The following BAZ2B variants were observed in gnomAD, a reference collection of about 807,000 sequenced individuals.
BAZ2B encodes bromodomain adjacent to zinc finger domain protein 2B.
BAZ2B carries 91 observed loss-of-function variants against 246.0 expected under a neutral mutation model. The ratio of observed to expected loss-of-function variants is 0.37; its 90% CI spans 0.31 to 0.44. The LOEUF (loss-of-function observed/expected upper bound fraction) is 0.44, where lower values mean the gene tolerates loss of function less well. BAZ2B is among the 20% of genes least tolerant of loss of function. BAZ2B has a pLI of 1.00. For missense variants in BAZ2B, 2,332 were observed against 2,533.7 expected (o/e 0.92, Z 1.71); for synonymous variants, 855 against 860.0 (o/e 0.99, Z 0.10).
At chr2:159,645,606 C>T in the BAZ2B span, among the ~76,000 whole-genome samples, 1 of 152,082 alleles carries the variant, frequency 6.6e-6, no homozygotes, top group East Asian at 1.9e-4. Flanking sequence ...CTGCTGCTTA[C>T]CTCCTGCTTG....
chr2:159,392,233 C>T (rs2063423615), intron 20 of BAZ2B: 2 of 152,296 alleles, frequency 1.3e-5, no homozygotes, highest in East Asian at 1.9e-4. Context: ...GGCTAATACC[C>T]TCTTTGTACC....
intron 14 of BAZ2B, among the ~76,000 whole-genome samples, 179 bp from the exon 15 acceptor site, chr2:159,405,293 T>C (rs201695318): frequency 6.6e-6 from 1 of 151,994 alleles, no homozygotes; most frequent in African/African-American, 2.4e-5. Flanking sequence ...CTCACTGCAA[T>C]CTCCGCCTCC....
chr2:159,430,824 G>A (rs1227763591), intron 10 of BAZ2B, 39 bp downstream of exon 10: 6 of 1,575,550 alleles, frequency 3.8e-6, no homozygotes, highest in Non-Finnish European at 4.3e-6. Context: ...GCTATGGTTT[G>A]ACTTCTACTT....
chr2:159,575,287 A>G (rs1345099484), intron 1 of BAZ2B, among the ~76,000 whole-genome samples: 3 of 152,122 alleles, frequency 2.0e-5, no homozygotes, highest in Non-Finnish European at 4.4e-5. Flanking sequence ...TGGGCGACAG[A>G]GCAACACTCT....
intron 1 of BAZ2B, among the ~76,000 whole-genome samples, chr2:159,574,713 C>T (rs540647071): frequency 3.3e-5 from 5 of 152,114 alleles, no homozygotes; most frequent in South Asian, 2.1e-4. Flanking sequence ...AGGCTGGGCG[C>T]GGTGGCTCAC....
chr2:159,553,643 A>T (rs563006242), intron 2 of BAZ2B, among the ~76,000 whole-genome samples: 3 of 152,132 alleles, frequency 2.0e-5, no homozygotes, highest in African/African-American at 7.2e-5. Context: ...ATCAGTTAAA[A>T]GGTTTTGACA....
intron 36 of BAZ2B, 22 bp downstream of exon 36, chr2:159,324,789 T>C: frequency 4.2e-6 from 6 of 1,438,604 alleles, no homozygotes; most frequent in Non-Finnish European, 5.5e-6. Context: ...AAATATTTAG[T>C]GAACTGAAAT....
Position 159,430,910 on chromosome 2 carries a change from G to C in BAZ2B, c.2147C>G (p.Ala716Gly). 3 of 1,613,924 alleles carry C rather than the reference G, an allele frequency of 1.9e-6. No homozygotes were observed. The highest frequency in any genetic ancestry group is 1.6e-4 in the Middle Eastern group (1 of 6,062). The change falls in exon 10 of 37, where the codon GCT (alanine) becomes GGT (glycine). Residue 716 changes from alanine to glycine, a missense_variant. Around this residue, in one of 9 missense-constraint regions of BAZ2B, gnomAD observed 651 missense variants for 650.9 expected, o/e 1.00. Transcript: ENST00000392783. ...TGTGGAAGAAGATGTACCAAGAAAA[G>C]CAGGTGACTGGGATTCAGAACATAA... The part of the protein sequence containing the change: ...AALCSESQSP[A>G]FLGTSSSTLT...
At chr2:159,500,281 T>C (rs891172321) in intron 2 of BAZ2B, among the ~76,000 whole-genome samples, 3 of 152,246 alleles carry the variant, frequency 2.0e-5, no homozygotes, top group African/African-American at 7.2e-5. Context: ...GGGAGTCCTT[T>C]TCCCATTGCT....
At chr2:159,604,767 G>C (rs1693009041) in intron 1 of BAZ2B, among the ~76,000 whole-genome samples, 1 of 152,040 alleles carries the variant, frequency 6.6e-6, no homozygotes, top group South Asian at 2.1e-4. Flanking sequence ...CTTAACATAG[G>C]CATAAAAGGA....
chr2:159,707,940 G>A, the BAZ2B span, among the ~76,000 whole-genome samples: 5 of 152,240 alleles, frequency 3.3e-5, no homozygotes, highest in African/African-American at 7.2e-5. Flanking sequence ...GCAGTGAGCC[G>A]AGACTGAGCC....
intron 36 of BAZ2B, among the ~76,000 whole-genome samples, chr2:159,323,481 C>T (rs2063000663): frequency 6.6e-6 from 1 of 151,834 alleles, no homozygotes; most frequent in Non-Finnish European, 1.5e-5. Flanking sequence ...TTCATTGTGC[C>T]ATCTACCTAG....
chr2:159,405,601 G>T (rs1381968673), intron 14 of BAZ2B, among the ~76,000 whole-genome samples: 1 of 152,166 alleles, frequency 6.6e-6, no homozygotes, highest in Non-Finnish European at 1.5e-5. Context: ...CATTCCAACG[G>T]AAACTGAATG....
At chr2:159,668,092 G>A in the BAZ2B span, among the ~76,000 whole-genome samples, 2 of 152,082 alleles carry the variant, frequency 1.3e-5, no homozygotes, top group African/African-American at 4.8e-5. Flanking sequence ...GGTAGAGATT[G>A]TAGATGTATT....
At chr2:159,542,030 G>C (rs1220319806) in intron 2 of BAZ2B, among the ~76,000 whole-genome samples, 3 of 152,160 alleles carry the variant, frequency 2.0e-5, no homozygotes, top group African/African-American at 4.8e-5. Context: ...AGTTATGATA[G>C]CTAAAATGAA....
At chr2:159,543,173 A>G (rs187996410) in intron 2 of BAZ2B, among the ~76,000 whole-genome samples, 53 of 152,312 alleles carry the variant, frequency 3.5e-4, no homozygotes, top group African/African-American at 1.2e-3. Flanking sequence ...TTATCATTTT[A>G]TAGAGGTTCT....
At chr2:159,656,372 T>C in the BAZ2B span, among the ~76,000 whole-genome samples, 69,417 of 151,842 alleles carry the variant, frequency 0.46, 16,722 homozygotes, top group Middle Eastern at 0.64. Context: ...TGGGGGTATG[T>C]TTTCTGTTGC....
At chr2:159,464,396 T>C (rs1488342213) in intron 3 of BAZ2B, 1 of 152,186 alleles carries the variant, frequency 6.6e-6, no homozygotes, top group Non-Finnish European at 1.5e-5. Context: ...GTTTGTCTGA[T>C]GTGTTCTCAT....
At chr2:159,663,855 CTTTTTTT>C in the BAZ2B span, among the ~76,000 whole-genome samples, 3,783 of 92,196 alleles carry the variant, frequency 0.041, 18 homozygotes, top group Non-Finnish European at 0.059. Flanking sequence ...AAACCATTTT[CTTTTTTT>C]TTTTTTTTTT....
Sources: allele counts gnomAD v4.1 joint callset (sites outside exome capture counted in the v4.1 genomes callset), GRCh38; gene constraint gnomAD v4.1.1; regional missense constraint gnomAD v4.1.1; transcripts MANE v1.5; gene names NCBI Gene and HGNC (gene_info 2026-07-23, HGNC 2026-07-21).